BEND2: variants seen among roughly 807,000 people sequenced by gnomAD.
BEND2 encodes the protein BEN domain containing 2.
A neutral mutation model predicts 43.8 loss-of-function variants in BEND2; 19 were observed. The observed-to-expected ratio is 0.43, with a 90% CI of 0.30 to 0.64. The LOEUF (loss-of-function observed/expected upper bound fraction) is 0.64, where lower values mean the gene tolerates loss of function less well. BEND2 is among the 30% of genes least tolerant of loss of function. BEND2 has a pLI of 0.11. For synonymous variants in BEND2, 226 were observed against 210.1 expected (o/e 1.08, Z -0.66); for missense variants, 544 against 574.0 (o/e 0.95, Z 0.53).
rs372832093 is a variant in BEND2 at position 18,171,204 on chromosome X, C to T, written c.1982G>A (p.Ser661Asn). 5.5e-5 allele frequency: 66 copies of T among 1,189,786 alleles called. No individual in the cohort carries two copies. Among genetic ancestry groups the T allele is most frequent in the Middle Eastern group, 4.7e-4 (2 of 4,291 alleles). ...DNPEEPGEAW[S>N]YFGRPWRNIR... Reference sequence around the variant, plus strand: ...ATTTCTCCATGGTCTTCCAAAATAGCCTAGAAGCAAAAAAGAAAGATGTCA... The same window carrying T: ...ATTTCTCCATGGTCTTCCAAAATAGTCTAGAAGCAAAAAAGAAAGATGTCA... The change falls in exon 13 of 14, where the codon AGC (serine) becomes AAC (asparagine). Residue 661 changes from serine to asparagine, a missense_variant and splice_region_variant. Transcript: ENST00000380033.
intron 13 of BEND2, among the ~76,000 whole-genome samples, chrX:18,165,523 T>C (rs1044565140): frequency 3.2e-4 from 36 of 111,655 alleles, no homozygotes; most frequent in Admixed American, 2.9e-4. Flanking sequence ...TTTGTTACTC[T>C]CAAAAGTATC....
In BEND2 at chrX:18,165,153, G is replaced by C. The variant is rs1165663222; in HGVS notation, c.2256C>G (p.Thr752=). The C allele has an allele frequency of 8.3e-7, 1 of 1,207,548 alleles. No homozygotes were observed. Among genetic ancestry groups the C allele is most frequent in the African/African-American group, 1.8e-5 (1 of 56,826 alleles). ...ENGRDWKSCV[T]SINSGIRSLR... is the part of the protein sequence containing the mutation. ...GGCTACGGATACCGCTGTTGATGGAGGTCACACACGACTTCCAGTCTCTTC... is the reference window on the plus strand; with the variant it reads ...GGCTACGGATACCGCTGTTGATGGACGTCACACACGACTTCCAGTCTCTTC... Residue 752 remains threonine (T), a synonymous_variant, in exon 14 of 14, where the codon ACC becomes ACG. Coordinates refer to ENST00000380033, the MANE Select transcript of BEND2 (RefSeq NM_153346.5).
intron 1 of BEND2, among the ~76,000 whole-genome samples, chrX:18,220,275 G>C (rs1001265326): frequency 3.6e-5 from 4 of 112,279 alleles, no homozygotes; most frequent in Non-Finnish European, 7.5e-5. Context: ...AAGTGCGGCC[G>C]CATAGATCTG....
chrX:18,198,758 T>C (rs1457726414), intron 6 of BEND2, among the ~76,000 whole-genome samples: 1 of 110,046 alleles, frequency 9.1e-6, no homozygotes, highest in Non-Finnish European at 1.9e-5. Context: ...CACACTTATG[T>C]TTATCGTGGC....
chrX:18,177,809 T>C (rs1924230397), intron 9 of BEND2, 40 bp from the exon 10 acceptor site: 5 of 1,099,839 alleles, frequency 4.5e-6, no homozygotes, highest in Non-Finnish European at 6.3e-6. Context: ...CTTGGTTTTG[T>C]CATGCAAGGG....
chrX:18,206,437 G>A (rs964698682), intron 4 of BEND2, among the ~76,000 whole-genome samples: 3 of 111,457 alleles, frequency 2.7e-5, no homozygotes, highest in Non-Finnish European at 3.8e-5. Context: ...TTCCAGGAGC[G>A]AGGCTGTCAT....
Position 18,197,858 on chromosome X carries a change from G to A in BEND2, c.1034-2416C>T, listed in dbSNP as rs765083050. Among the ~76,000 whole-genome samples the A allele has an allele frequency of 9.9e-5, 11 of 110,946 alleles. No individual in the cohort carries two copies. The South Asian group carries it at 4.3e-3, about 43-fold the overall frequency. On this transcript the variant is annotated intron_variant, in intron 6 of 13. Coordinates refer to ENST00000380033, the MANE Select transcript of BEND2 (RefSeq NM_153346.5). ...TAGGGGGAGGTAACTGAATCATGGG[G>A]GCCAGTCTTTCCCATGCTATTCTTG...
Position 18,201,869 on chromosome X carries a change from T to G in BEND2, c.979A>C (p.Asn327His). Residue 327 changes from asparagine to histidine, a missense_variant, in exon 6 of 14, where the codon AAT becomes CAT. Asn to His is a moderately conservative substitution (Grantham distance 68). This residue lies in a region of BEND2 where 501 missense variants were observed against 501.6 expected (regional missense o/e 1.00). Coordinates refer to ENST00000380033, the MANE Select transcript of BEND2 (RefSeq NM_153346.5). ...GAGGCAGTATTTTGGCCATTGTAATTTCCCATTAAAGTTGGATAATTCGCT... is the reference window on the plus strand; with the variant it reads ...GAGGCAGTATTTTGGCCATTGTAATGTCCCATTAAAGTTGGATAATTCGCT... The part of the protein sequence containing the change: ...ETANYPTLMG[N>H]YNGQNTASLS... 2 of 1,210,132 alleles carry G rather than the reference T, an allele frequency of 1.7e-6. No homozygotes were observed. The highest frequency in any genetic ancestry group is 3.5e-5 in the South Asian group (2 of 56,621).
In BEND2 at chrX:18,180,535, T is replaced by A. The variant is rs780333981; in HGVS notation, c.1404A>T (p.Ser468=). The part of the protein sequence containing the change: ...DSDSGQDSSS[S]SVCIPPKYGY... ...CATACTTGGGAGGGATACAGACAGA[T>A]GATGAGGAAGAATCCTGGCCACTGT... The change falls in exon 9 of 14, where the codon TCA becomes TCT. Residue 468 remains serine, a synonymous_variant. Transcript: ENST00000380033. The A allele has an allele frequency of 8.3e-7, 1 of 1,206,736 alleles. No homozygotes were observed. The highest frequency in any genetic ancestry group is 1.1e-6 in the Non-Finnish European group (1 of 890,964).
At chrX:18,187,331 T>G (rs1438308191) in intron 8 of BEND2, among the ~76,000 whole-genome samples, 1 of 109,578 alleles carries the variant, frequency 9.1e-6, no homozygotes, top group Non-Finnish European at 1.9e-5. Context: ...CAAAAAAGAG[T>G]AGGAGTAGCT....
chrX:18,173,338 T>C (rs761089938), intron 12 of BEND2, among the ~76,000 whole-genome samples: 1 of 112,168 alleles, frequency 8.9e-6, no homozygotes, highest in Non-Finnish European at 1.9e-5. Flanking sequence ...TCTTAACAAA[T>C]ACAGTAGTTA....
rs774801878 is a variant in BEND2, at chrX:18,203,889, C to T, written c.519G>A (p.Ala173=). Residue 173 remains alanine (A), a synonymous_variant, in exon 5 of 14, where the codon GCG becomes GCA. Transcript: ENST00000380033. ...PEVQSSISPP[A]ERQETHAWAS... is the part of the protein sequence containing the mutation. Reference sequence around the variant, plus strand: ...CCCAGGCATGGGTTTCCTGCCTTTCCGCTGGTGGTGATATGCTAGACTGTA... The same window carrying T: ...CCCAGGCATGGGTTTCCTGCCTTTCTGCTGGTGGTGATATGCTAGACTGTA... The T allele has an allele frequency of 1.7e-5, 21 of 1,203,189 alleles. No individual in the cohort carries two copies. Among genetic ancestry groups the T allele is most frequent in the Admixed American group, 2.2e-5 (1 of 45,576 alleles).
intron 4 of BEND2, among the ~76,000 whole-genome samples, chrX:18,204,481 C>T (rs1340597457): frequency 8.9e-6 from 1 of 112,228 alleles, no homozygotes; most frequent in African/African-American, 3.2e-5. Flanking sequence ...TCCACAAAGA[C>T]GGTCAACCTG....
intron 8 of BEND2, among the ~76,000 whole-genome samples, chrX:18,188,982 C>T (rs975982555): frequency 1.8e-5 from 2 of 110,961 alleles, no homozygotes; most frequent in African/African-American, 3.3e-5. Flanking sequence ...GGGTGGATTA[C>T]GAGGTCAGGA....
At chrX:18,183,583 T>TG (rs1283198373) in intron 8 of BEND2, among the ~76,000 whole-genome samples, 2 of 112,242 alleles carry the variant, frequency 1.8e-5, no homozygotes, top group Non-Finnish European at 3.8e-5. Context: ...AGTGGGCTCT[T>TG]GGGGTCCCTG....
chrX:18,206,424 A>T (rs748715581), intron 4 of BEND2, among the ~76,000 whole-genome samples: 1 of 111,664 alleles, frequency 9.0e-6, no homozygotes, highest in South Asian at 3.8e-4. Context: ...AGTATCAATG[A>T]CATTCCAGGA....
Position 18,163,690 on chromosome X carries a change from TAAA to T in BEND2, c.*1316_*1318del, listed in dbSNP as rs1195449900. 2.7e-5 allele frequency: 3 copies of T among 112,416 alleles called. No individual in the cohort carries two copies. The highest frequency in any genetic ancestry group is 9.4e-5 in the Admixed American group (1 of 10,596). 9.3% of individuals were successfully genotyped at this position (112,416 alleles called of 1,213,427 possible). Reference sequence around the variant, plus strand: ...GGAATATTTCAGATACCACAAAATATAAACCAAATTCAAAATATGCATATACAA... The same window carrying T: ...GGAATATTTCAGATACCACAAAATATCCAAATTCAAAATATGCATATACAA... On this transcript the variant is annotated 3_prime_UTR_variant, in exon 14 of 14. Coordinates refer to ENST00000380033, the MANE Select transcript of BEND2 (RefSeq NM_153346.5).
At chrX:18,170,933 T>G in intron 13 of BEND2, 68 bp downstream of exon 13, 1 of 1,204,174 alleles carries the variant, frequency 8.3e-7, no homozygotes, top group Non-Finnish European at 1.1e-6. Context: ...GAATGGATTC[T>G]TCTTTCTACC....
chrX:18,174,319 C>T, intron 11 of BEND2, 61 bp from the exon 12 acceptor site: 3 of 1,037,163 alleles, frequency 2.9e-6, no homozygotes, highest in South Asian at 4.1e-5. Context: ...TATGTCTGTG[C>T]TCTACCACCT....
Sources: allele counts gnomAD v4.1 joint callset (sites outside exome capture counted in the v4.1 genomes callset), GRCh38; gene constraint gnomAD v4.1.1; regional missense constraint gnomAD v4.1.1; transcripts MANE v1.5; gene names NCBI Gene and HGNC (gene_info 2026-07-23, HGNC 2026-07-21).